Variants in LRP1B observed in about 807,000 individuals in gnomAD.
LRP1B encodes the protein low-density lipoprotein receptor-related protein 1B.
A neutral mutation model predicts 556.6 loss-of-function variants in LRP1B; 217 were observed. The observed-to-expected ratio is 0.39, with a 90% CI of 0.35 to 0.44. LRP1B has a LOEUF of 0.44. Ranked by LOEUF, LRP1B falls within the 20% of genes least tolerant of loss-of-function variation. LRP1B has a pLI of 1.00. For synonymous variants in LRP1B, 2,047 were observed against 1,865.8 expected (o/e 1.10, Z -2.50); for missense variants, 5,053 against 5,620.8 (o/e 0.90, Z 3.23).
intron 21 of LRP1B, among the ~76,000 whole-genome samples, chr2:140,909,018 C>T (rs1032301244): frequency 6.6e-6 from 1 of 152,156 alleles, no homozygotes; most frequent in Non-Finnish European, 1.5e-5. Context: ...AGGCTGGTCT[C>T]AAACTCTTGA....
At chr2:141,430,607 G>T (rs1399182226) in intron 3 of LRP1B, among the ~76,000 whole-genome samples, 1 of 125,364 alleles carries the variant, frequency 8.0e-6, no homozygotes, top group Non-Finnish European at 1.8e-5. Context: ...ATAGTTTAGT[G>T]ATTCAATTTT....
intron 1 of LRP1B, among the ~76,000 whole-genome samples, chr2:141,942,901 T>C (rs1397734371): frequency 2.6e-5 from 4 of 152,140 alleles, no homozygotes; most frequent in African/African-American, 7.2e-5. Context: ...TTCAGGAACA[T>C]GGGGTTTTTG....
chr2:141,995,294 T>C (rs1702457398), intron 1 of LRP1B, among the ~76,000 whole-genome samples: 1 of 152,140 alleles, frequency 6.6e-6, no homozygotes, highest in Non-Finnish European at 1.5e-5. Flanking sequence ...CAAATTCTAC[T>C]AGCTGCCAAC....
At chr2:140,254,479 G>A (rs1465973405) in intron 86 of LRP1B, among the ~76,000 whole-genome samples, 1 of 152,088 alleles carries the variant, frequency 6.6e-6, no homozygotes, top group Non-Finnish European at 1.5e-5. Context: ...TCAGATATCT[G>A]GTACTTCAGC....
intron 6 of LRP1B, among the ~76,000 whole-genome samples, chr2:141,228,088 G>A (rs1683314359): frequency 6.6e-6 from 1 of 152,008 alleles, no homozygotes; most frequent in African/African-American, 2.4e-5. Context: ...CAGCATGCCT[G>A]GCTAATTTTT....
intron 43 of LRP1B, among the ~76,000 whole-genome samples, chr2:140,570,190 G>T (rs1681272682): frequency 1.3e-5 from 2 of 150,284 alleles, no homozygotes; most frequent in African/African-American, 2.4e-5. Context: ...GATTGGAGCA[G>T]AAATAAATGA....
intron 86 of LRP1B, among the ~76,000 whole-genome samples, chr2:140,254,646 T>G (rs1245577249): frequency 6.6e-6 from 1 of 152,066 alleles, no homozygotes; most frequent in Admixed American, 6.6e-5. Flanking sequence ...CTCCACCTTC[T>G]GGGTTCAAGC....
intron 7 of LRP1B, among the ~76,000 whole-genome samples, chr2:141,080,344 T>C (rs1699893552): frequency 6.6e-6 from 1 of 152,184 alleles, no homozygotes; most frequent in Non-Finnish European, 1.5e-5. Flanking sequence ...ATCTTACTGA[T>C]TTTGCTTCTT....
chr2:141,703,653 T>A (rs568453329), intron 2 of LRP1B, among the ~76,000 whole-genome samples: 1 of 152,102 alleles, frequency 6.6e-6, no homozygotes, highest in East Asian at 1.9e-4. Context: ...TTGAGCTTTC[T>A]GAAATGAATC....
At chr2:140,932,149 T>C (rs1361101882) in intron 20 of LRP1B, among the ~76,000 whole-genome samples, 6 of 152,154 alleles carry the variant, frequency 3.9e-5, no homozygotes, top group Non-Finnish European at 7.4e-5. Flanking sequence ...GGATGGAGAA[T>C]ATAATTTAAA....
chr2:141,844,680 CT>C (rs1415633711), intron 1 of LRP1B, among the ~76,000 whole-genome samples: 11 of 151,944 alleles, frequency 7.2e-5, no homozygotes, highest in Non-Finnish European at 1.3e-4. Flanking sequence ...ACCTCTTTGT[CT>C]TAGAACATTT....
At position 140,867,938 on chromosome 2, in the gene LRP1B, T is replaced by C. The variant is rs982861451; in HGVS notation, c.4335-104A>G. The C allele has an allele frequency of 6.8e-6, 9 of 1,328,584 alleles. No individual in the cohort carries two copies. In the African/African-American group the frequency reaches 9.0e-5, roughly 13 times the overall value. The allele number at this position is 1,328,584 out of a possible 1,614,324, so 82.3% of individuals were successfully genotyped here. ...AATGACAAAAAAGGTATTTTATAAATATTTTTATGGGTCTGTATCTGATTT... is the reference window on the plus strand; with the variant it reads ...AATGACAAAAAAGGTATTTTATAAACATTTTTATGGGTCTGTATCTGATTT... On this transcript the variant is annotated intron_variant, in intron 26 of 90. Coordinates refer to ENST00000389484, the MANE Select transcript of LRP1B (RefSeq NM_018557.3).
intron 1 of LRP1B, among the ~76,000 whole-genome samples, chr2:142,081,997 T>C (rs1285671591): frequency 6.6e-6 from 1 of 152,168 alleles, no homozygotes; most frequent in Non-Finnish European, 1.5e-5. Context: ...TTAAGCAGAT[T>C]TGGCTACAGA....
chr2:141,155,183 C>T (rs1702034512), intron 7 of LRP1B, among the ~76,000 whole-genome samples: 2 of 151,824 alleles, frequency 1.3e-5, no homozygotes, highest in East Asian at 3.9e-4. Flanking sequence ...ATTTTTCCCC[C>T]TAAGTCTCTG....
At chr2:140,325,927 C>T in intron 79 of LRP1B, 49 bp from the exon 80 acceptor site, 1 of 1,127,550 alleles carries the variant, frequency 8.9e-7, no homozygotes, top group Non-Finnish European at 1.3e-6. Flanking sequence ...AATTTGAAAT[C>T]ATTCAAAATC....
chr2:140,985,988 ATTTT>A (rs1413034299), intron 17 of LRP1B, among the ~76,000 whole-genome samples: 2 of 151,288 alleles, frequency 1.3e-5, no homozygotes, highest in Non-Finnish European at 3.0e-5. Flanking sequence ...ATTTGTTTTT[ATTTT>A]TTTAATTTCT....
At chr2:140,246,088 CAACA>C (rs1407642693) in intron 87 of LRP1B, among the ~76,000 whole-genome samples, 1 of 151,282 alleles carries the variant, frequency 6.6e-6, no homozygotes, top group Non-Finnish European at 1.5e-5. Context: ...GGGGCAGAGA[CAACA>C]AACAGGAATG....
intron 1 of LRP1B, among the ~76,000 whole-genome samples, chr2:141,909,526 ATTTTTTTTTTT>A (rs377577096): frequency 8.6e-5 from 8 of 93,402 alleles, no homozygotes; most frequent in African/African-American, 2.8e-4. Flanking sequence ...GGTCTCAGAC[ATTTTTTTTTTT>A]TTTTTTTTTT....
intron 7 of LRP1B, among the ~76,000 whole-genome samples, chr2:141,080,856 T>C (rs1228254654): frequency 6.6e-6 from 1 of 152,220 alleles, no homozygotes; most frequent in Non-Finnish European, 1.5e-5. Context: ...AGACCATTGT[T>C]AGCAGTGTGA....
Sources: allele counts gnomAD v4.1 joint callset (sites outside exome capture counted in the v4.1 genomes callset), GRCh38; gene constraint gnomAD v4.1.1; transcripts MANE v1.5; gene names NCBI Gene and HGNC (gene_info 2026-07-23, HGNC 2026-07-21).